Variants in MARCHF5 observed in about 807,000 individuals in gnomAD.
The protein encoded by MARCHF5 is membrane associated ring-CH-type finger 5.
Under a neutral mutation model 36.5 loss-of-function variants are expected in MARCHF5, and 5 were observed. The observed-to-expected ratio is 0.14, with a 90% CI of 0.07 to 0.29. The LOEUF is 0.29. MARCHF5 is among the 10% of genes least tolerant of loss of function. The pLI, the probability that MARCHF5 is intolerant of heterozygous loss-of-function variation, is 1.00. For synonymous variants in MARCHF5, 103 were observed against 109.9 expected, an observed-to-expected ratio of 0.94 and a Z score of 0.39; for missense variants, 179 against 336.3, an observed-to-expected ratio of 0.53 and a Z score of 3.66.
chr10:92,296,737 GAA>G (rs1842952508), intron 1 of MARCHF5, among the ~76,000 whole-genome samples: 1 of 152,182 alleles, frequency 6.6e-6, no homozygotes, highest in African/African-American at 2.4e-5. Flanking sequence ...TCAGATGGCA[GAA>G]AGAGCAGAGA....
chr10:92,332,633 A>G (rs1843450315), intron 2 of MARCHF5, among the ~76,000 whole-genome samples: 1 of 143,246 alleles, frequency 7.0e-6, no homozygotes, highest in South Asian at 2.1e-4. Flanking sequence ...TGATTCTCCT[A>G]CCTCAGCCTC....
chr10:92,295,644 G>A (rs981288114), intron 1 of MARCHF5, among the ~76,000 whole-genome samples: 2 of 151,650 alleles, frequency 1.3e-5, no homozygotes, highest in Non-Finnish European at 1.5e-5. Context: ...TCCTGACGTC[G>A]TAATCTGCCG....
chr10:92,347,381 A>G (rs1843657162), intron 3 of MARCHF5, among the ~76,000 whole-genome samples: 1 of 152,056 alleles, frequency 6.6e-6, no homozygotes, highest in South Asian at 2.1e-4. Context: ...TCTACTCAGG[A>G]GGTTGAGGCA....
At chr10:92,303,741 A>G (rs1287060254) in intron 1 of MARCHF5, among the ~76,000 whole-genome samples, 4 of 152,234 alleles carry the variant, frequency 2.6e-5, no homozygotes, top group South Asian at 2.1e-4. Flanking sequence ...TTAGTTTACT[A>G]TATAACTGGC....
At chr10:92,340,635 C>T (rs199702967) in intron 2 of MARCHF5, 38 bp from the exon 3 acceptor site, 2 of 1,544,194 alleles carry the variant, frequency 1.3e-6, no homozygotes, top group Non-Finnish European at 1.7e-6. Context: ...AAAAGTTCAC[C>T]CTGTGTTGAA....
chr10:92,298,555 T>C (rs1159138248), intron 1 of MARCHF5, among the ~76,000 whole-genome samples: 1 of 152,208 alleles, frequency 6.6e-6, no homozygotes, highest in Admixed American at 6.5e-5. Context: ...GTCCACCAGC[T>C]ATAAAACATA....
chr10:92,291,979 G>A (rs1842876822), intron 1 of MARCHF5, among the ~76,000 whole-genome samples: 1 of 152,018 alleles, frequency 6.6e-6, no homozygotes, highest in Non-Finnish European at 1.5e-5. Context: ...AAGCCTGATA[G>A]GCTGATTTCA....
intron 2 of MARCHF5, among the ~76,000 whole-genome samples, chr10:92,319,437 A>G (rs1843260656): frequency 6.6e-6 from 1 of 150,924 alleles, no homozygotes; most frequent in African/African-American, 2.4e-5. Flanking sequence ...CTGGGACTAC[A>G]GGCGCACGCC....
chr10:92,345,291 C>G (rs1029223759), intron 3 of MARCHF5, among the ~76,000 whole-genome samples: 16 of 152,026 alleles, frequency 1.1e-4, no homozygotes, highest in African/African-American at 3.6e-4. Flanking sequence ...CAGGCAGAAC[C>G]CTTGAGGCCA....
intron 1 of MARCHF5, among the ~76,000 whole-genome samples, chr10:92,307,322 A>G (rs940521145): frequency 3.3e-5 from 5 of 152,050 alleles, no homozygotes; most frequent in Admixed American, 2.0e-4. Context: ...CCATTTTTAC[A>G]TGCTTTAATT....
intron 2 of MARCHF5, among the ~76,000 whole-genome samples, chr10:92,337,772 T>C (rs1013982038): frequency 4.6e-5 from 7 of 152,206 alleles, no homozygotes; most frequent in South Asian, 2.1e-4. Flanking sequence ...TAGGATCATC[T>C]AGTGCATAAG....
chr10:92,333,146 G>A (rs1427688405), intron 2 of MARCHF5, among the ~76,000 whole-genome samples: 1 of 135,408 alleles, frequency 7.4e-6, no homozygotes, highest in Non-Finnish European at 1.5e-5. Flanking sequence ...GGCAACAAGA[G>A]TAAATCTCCG....
intron 2 of MARCHF5, 92 bp downstream of exon 2, chr10:92,311,429 T>C (rs903993794): frequency 3.8e-5 from 32 of 833,580 alleles, no homozygotes; most frequent in Non-Finnish European, 5.5e-5. Context: ...CTCTTTTTTT[T>C]AGGGTGTGAA....
chr10:92,330,883 A>G (rs1010030575), intron 2 of MARCHF5, among the ~76,000 whole-genome samples: 1 of 152,104 alleles, frequency 6.6e-6, no homozygotes, highest in Non-Finnish European at 1.5e-5. Context: ...ACCCAACCTA[A>G]TCCTTACCCA....
At chr10:92,333,913 G>A (rs2135207964) in intron 2 of MARCHF5, among the ~76,000 whole-genome samples, 1 of 152,260 alleles carries the variant, frequency 6.6e-6, no homozygotes, top group African/African-American at 2.4e-5. Flanking sequence ...TTGAGGGCCG[G>A]GTGCAGTGCC....
chr10:92,319,117 C>T lies in MARCHF5; in HGVS notation c.238+7780C>T, dbSNP rs138668149. On this transcript the variant is annotated intron_variant, in intron 2 of 5. Coordinates refer to ENST00000358935, the MANE Select transcript of MARCHF5 (RefSeq NM_017824.5). ...AATTGAGTCGAAAAATTCCCATCACCTTGTGGCATTGTAGCTGTGGTAACA... is the reference window on the plus strand; with the variant it reads ...AATTGAGTCGAAAAATTCCCATCACTTTGTGGCATTGTAGCTGTGGTAACA... 9.2e-4 allele frequency among the ~76,000 whole-genome samples: 140 copies of T among 152,326 alleles called. 1 individual carries two copies. The highest frequency in any genetic ancestry group is 3.2e-3 in the African/African-American group (134 of 41,588).
rs541639564 is a variant in MARCHF5, at chr10:92,353,519, A to T, written c.*2312A>T. On this transcript the variant is annotated 3_prime_UTR_variant, in exon 6 of 6. Coordinates refer to ENST00000358935, the MANE Select transcript of MARCHF5 (RefSeq NM_017824.5). ...CACTTAGGCTCAAAATCGCCCCTACAAAGCAGTAGTTGTTTCTTAATTGCT... is the reference window on the plus strand; with the variant it reads ...CACTTAGGCTCAAAATCGCCCCTACTAAGCAGTAGTTGTTTCTTAATTGCT... The T allele has an allele frequency of 1.3e-5, 2 of 152,356 alleles. No homozygotes were observed. Among genetic ancestry groups the T allele is most frequent in the South Asian group, 4.1e-4 (2 of 4,828 alleles). 9.4% of individuals were successfully genotyped at this position (152,356 alleles called of 1,614,324 possible). A position where few individuals can be genotyped will look rare whatever the true frequency, so the allele number is the denominator to read the frequency against.
At chr10:92,298,979 A>T (rs951075566) in intron 1 of MARCHF5, among the ~76,000 whole-genome samples, 4 of 151,206 alleles carry the variant, frequency 2.6e-5, no homozygotes, top group Admixed American at 6.6e-5. Flanking sequence ...AATTTTTTTT[A>T]AACTTTTTTT....
chr10:92,347,478 A>G (rs1843658349), intron 3 of MARCHF5, among the ~76,000 whole-genome samples: 1 of 55,500 alleles, frequency 1.8e-5, no homozygotes, highest in Non-Finnish European at 3.9e-5. Flanking sequence ...AGATAGATAG[A>G]TAGATAGATA....
Sources: gnomAD v4.1 joint callset for allele counts (sites outside exome capture counted in the v4.1 genomes callset) on GRCh38, gnomAD v4.1.1 for gene constraint, MANE v1.5 for transcripts, NCBI Gene and HGNC (gene_info 2026-07-23, HGNC 2026-07-21) for gene names.